The following FNDC3B variants were observed in gnomAD, a reference collection of about 807,000 sequenced individuals.
FNDC3B encodes fibronectin type III domain-containing protein 3B.
FNDC3B carries 12 observed loss-of-function variants against 151.5 expected under a neutral mutation model. The ratio of observed to expected loss-of-function variants is 0.08; its 90% confidence interval spans 0.05 to 0.13. The LOEUF (loss-of-function observed/expected upper bound fraction) is 0.13. Among genes scored for constraint, FNDC3B ranks in the 10% least tolerant of loss-of-function variants. The probability of loss-of-function intolerance (pLI) is 1.00; values close to 1 mark genes in which losing one functional copy is unlikely to be tolerated. For synonymous variants in FNDC3B, 528 were observed against 549.0 expected (o/e 0.96, Z 0.54); for missense variants, 1,214 against 1,505.3 (o/e 0.81, Z 3.20).
chr3:172,108,032 G>A (rs1463287154), intron 1 of FNDC3B, among the ~76,000 whole-genome samples: 1 of 152,132 alleles, frequency 6.6e-6, no homozygotes, highest in Non-Finnish European at 1.5e-5. Flanking sequence ...GTTGGGCATG[G>A]TGGCACGTGC....
chr3:172,057,278 A>G (rs1226875082), intron 1 of FNDC3B, among the ~76,000 whole-genome samples: 1 of 152,196 alleles, frequency 6.6e-6, no homozygotes, highest in East Asian at 1.9e-4. Context: ...TGCAGACAGC[A>G]TCCTTCATCT....
At position 172,288,666 on chromosome 3, in the gene FNDC3B, A is replaced by G. The variant is rs1353636886; in HGVS notation, c.849+2682A>G. On this transcript the variant is annotated intron_variant, in intron 7 of 25. Coordinates refer to ENST00000415807, the MANE Select transcript of FNDC3B (RefSeq NM_022763.4). ...TCAAGTAGTTACACACTCCAGAGTC[A>G]TGAAAGATCTGTAGATCCGCATTTA... 2.0e-5 allele frequency among the ~76,000 whole-genome samples: 3 copies of G among 152,376 alleles called. No individual in the cohort carries two copies. In the East Asian group the frequency reaches 5.8e-4, roughly 29 times the overall value.
chr3:172,177,617 TACC>T (rs1329240603), intron 3 of FNDC3B, among the ~76,000 whole-genome samples: 4 of 147,458 alleles, frequency 2.7e-5, no homozygotes, highest in African/African-American at 5.0e-5. Context: ...GAATCATTTT[TACC>T]ACCATCTTTT....
chr3:172,278,529 A>C (rs1328103521), intron 6 of FNDC3B, among the ~76,000 whole-genome samples: 1 of 152,238 alleles, frequency 6.6e-6, no homozygotes, highest in Admixed American at 6.5e-5. Flanking sequence ...AGAAGAGGAA[A>C]GGACTGGTGC....
chr3:172,228,900 T>C (rs545443830), intron 4 of FNDC3B, among the ~76,000 whole-genome samples: 26 of 152,048 alleles, frequency 1.7e-4, no homozygotes, highest in Non-Finnish European at 3.4e-4. Context: ...AGATTGTTAA[T>C]ATGAAGAAAA....
At chr3:172,219,083 C>CA (rs1476943760) in intron 3 of FNDC3B, among the ~76,000 whole-genome samples, 1 of 152,190 alleles carries the variant, frequency 6.6e-6, no homozygotes, top group Non-Finnish European at 1.5e-5. Flanking sequence ...TTCTGGGCCT[C>CA]AGTCTGTTTA....
At position 172,375,707 on chromosome 3, in the gene FNDC3B, C is replaced by T. The variant is rs1414565711; in HGVS notation, c.3009-2563C>T. The stretch of plus-strand genomic sequence containing the variant: ...CGAGCAGATCATGATTTATTATTGC[C>T]GGAGTAGACAGTGGGCTACATTAGA... On this transcript the variant is annotated intron_variant, in intron 23 of 25. Transcript: ENST00000415807. Among the ~76,000 whole-genome samples the T allele has an allele frequency of 5.3e-5, 8 of 152,098 alleles. No individual in the cohort carries two copies. The East Asian group carries it at 5.8e-4, about 11-fold the overall frequency.
intron 3 of FNDC3B, chr3:172,184,117 T>G (rs1367249868): frequency 6.6e-6 from 1 of 152,222 alleles, no homozygotes; most frequent in Non-Finnish European, 1.5e-5. Flanking sequence ...GTAATTTGCC[T>G]GCAGCTATTA....
At chr3:172,203,652 C>T (rs186113858) in intron 3 of FNDC3B, among the ~76,000 whole-genome samples, 7 of 152,276 alleles carry the variant, frequency 4.6e-5, no homozygotes, top group Admixed American at 3.3e-4. Context: ...TCTTCCAGAT[C>T]GCAGTGGTAA....
intron 4 of FNDC3B, among the ~76,000 whole-genome samples, chr3:172,240,965 A>G (rs1330662778): frequency 1.3e-5 from 2 of 152,226 alleles, no homozygotes; most frequent in Admixed American, 6.5e-5. Context: ...AGGCCACAGG[A>G]TAGCAAGAAT....
At chr3:172,096,986 C>T (rs1326748293) in intron 1 of FNDC3B, among the ~76,000 whole-genome samples, 1 of 152,090 alleles carries the variant, frequency 6.6e-6, no homozygotes, top group Non-Finnish European at 1.5e-5. Flanking sequence ...CTGACCCCAC[C>T]CTGTACTTTT....
intron 25 of FNDC3B, among the ~76,000 whole-genome samples, chr3:172,394,816 T>C (rs1736195330): frequency 1.3e-5 from 2 of 152,160 alleles, no homozygotes; most frequent in South Asian, 4.1e-4. Context: ...CAATATCCTT[T>C]ATGAACATAG....
At chr3:172,194,097 G>T (rs768433009) in intron 3 of FNDC3B, among the ~76,000 whole-genome samples, 15 of 152,102 alleles carry the variant, frequency 9.9e-5, no homozygotes, top group Non-Finnish European at 1.8e-4. Context: ...GCGGGCGCCT[G>T]TAGTCCCAGC....
intron 11 of FNDC3B, among the ~76,000 whole-genome samples, chr3:172,318,478 T>A (rs1731924646): frequency 6.6e-6 from 1 of 152,250 alleles, no homozygotes. Context: ...GAATAGTTCA[T>A]ATGGATGATC....
intron 13 of FNDC3B, among the ~76,000 whole-genome samples, chr3:172,331,837 AG>A (rs1270783353): frequency 1.4e-4 from 22 of 152,326 alleles, no homozygotes; most frequent in African/African-American, 5.3e-4. Context: ...ACTGTAGAAC[AG>A]CACCACCCAA....
At chr3:172,164,078 A>G (rs1443776445) in intron 3 of FNDC3B, among the ~76,000 whole-genome samples, 2 of 152,218 alleles carry the variant, frequency 1.3e-5, no homozygotes, top group African/African-American at 4.8e-5. Flanking sequence ...ACATTGGGCT[A>G]CCTGAAAATC....
chr3:172,119,047 G>A (rs1373865613), intron 2 of FNDC3B, among the ~76,000 whole-genome samples: 1 of 151,774 alleles, frequency 6.6e-6, no homozygotes, highest in Non-Finnish European at 1.5e-5. Flanking sequence ...GTGGGCGCCT[G>A]TAGTCCCAGC....
chr3:172,236,595 C>G (rs1727177112), intron 4 of FNDC3B, among the ~76,000 whole-genome samples: 1 of 152,112 alleles, frequency 6.6e-6, no homozygotes, highest in Admixed American at 6.5e-5. Flanking sequence ...TTTTGGACCC[C>G]TACTTTGAGA....
intron 3 of FNDC3B, among the ~76,000 whole-genome samples, chr3:172,210,934 G>T (rs1002015064): frequency 6.6e-6 from 1 of 152,168 alleles, no homozygotes; most frequent in Non-Finnish European, 1.5e-5. Flanking sequence ...TTCTTAGTGA[G>T]TTGAGATTTT....
Sources: gnomAD v4.1 joint callset for allele counts (sites outside exome capture counted in the v4.1 genomes callset) on GRCh38, gnomAD v4.1.1 for gene constraint, MANE v1.5 for transcripts, NCBI Gene and HGNC (gene_info 2026-07-23, HGNC 2026-07-21) for gene names.